PSAP: variants seen among roughly 807,000 people sequenced by gnomAD.
PSAP encodes prosaposin, also known as precursor of saposins.
PSAP carries 25 observed loss-of-function variants against 66.0 expected under a neutral mutation model. The ratio of observed to expected loss-of-function variants is 0.38; its 90% CI spans 0.28 to 0.53. The LOEUF is 0.53. PSAP is among the 20% of genes least tolerant of loss of function. The pLI, the probability that PSAP is intolerant of heterozygous loss-of-function variation, is 0.83. For synonymous variants in PSAP, 273 were observed against 258.9 expected (o/e 1.05, Z -0.52); for missense variants, 649 against 668.8 (o/e 0.97, Z 0.33).
Position 71,817,644 on chromosome 10 carries a change from A to ATCTC in PSAP, c.1540-169_1540-168insGAGA, listed in dbSNP as rs1212062489. Among the ~76,000 whole-genome samples the ATCTC allele has an allele frequency of 2.0e-5, 3 of 152,334 alleles. No individual in the cohort carries two copies. In the South Asian group the frequency reaches 6.2e-4, roughly 32 times the overall value. On this transcript the variant is annotated intron_variant, in intron 13 of 13. Coordinates refer to ENST00000394936, the MANE Select transcript of PSAP (RefSeq NM_002778.4). ...GACAGGATCTCACTTAAAAACAGGGAACACGTGGCCATCAGAGTTTTGGGA... is the reference window on the plus strand; with the variant it reads ...GACAGGATCTCACTTAAAAACAGGGATCTCACACGTGGCCATCAGAGTTTTGGGA...
chr10:71,828,024 A>G lies in PSAP; in HGVS notation c.710T>C (p.Met237Thr). The part of the protein sequence containing the change: ...KEECDRLGPG[M>T]ADICKNYISQ... ...GGACACAAGGCTCACTATGTCGGCC[A>G]TGCCAGGGCCCAGGCGGTCACACTC... Residue 237 changes from methionine (M) to threonine (T), a missense_variant, in exon 6 of 14, where the codon ATG becomes ACG. Transcript: ENST00000394936. The G allele has an allele frequency of 6.2e-7, 1 of 1,614,196 alleles. No homozygotes were observed. Among genetic ancestry groups the G allele is most frequent in the South Asian group, 1.1e-5 (1 of 91,090 alleles).
intron 1 of PSAP, among the ~76,000 whole-genome samples, chr10:71,838,187 CAA>C (rs1842663377): frequency 6.6e-6 from 1 of 152,218 alleles, no homozygotes; most frequent in Non-Finnish European, 1.5e-5. Context: ...CAGCAAGAGC[CAA>C]GAGAGGCTAA....
chr10:71,817,191 G>A lies in PSAP; in HGVS notation c.*250C>T. The A allele has an allele frequency of 1.7e-6, 1 of 584,958 alleles. No individual in the cohort carries two copies. Among genetic ancestry groups the A allele is most frequent in the Non-Finnish European group, 3.1e-6 (1 of 326,712 alleles). The allele number at this position is 584,958 out of a possible 1,614,324, so 36.2% of individuals were successfully genotyped here. A position where few individuals can be genotyped will look rare whatever the true frequency, so the allele number is the denominator to read the frequency against. On this transcript the variant is annotated 3_prime_UTR_variant, in exon 14 of 14. Transcript: ENST00000394936. ...TCCAGCAGGCGCCATGCAAGGGCAG[G>A]CTAAAAGACCTCCAGTGCATCAACA...
At chr10:71,846,425 TAAA>T (rs397943634) in intron 1 of PSAP, among the ~76,000 whole-genome samples, 3 of 115,878 alleles carry the variant, frequency 2.6e-5, no homozygotes, top group African/African-American at 3.0e-5. Flanking sequence ...TTAAAGCCCT[TAAA>T]AAAAAAAAAA....
intron 1 of PSAP, 102 bp downstream of exon 1, chr10:71,851,080 T>C (rs898730091): frequency 2.5e-5 from 34 of 1,381,104 alleles, no homozygotes; most frequent in Non-Finnish European, 3.4e-5. Flanking sequence ...CCTTGCCAAC[T>C]AGGGCAGGGG....
At position 71,820,353 on chromosome 10, in the gene PSAP, G is replaced by C; in HGVS notation, c.910-18C>G. On this transcript the variant is annotated intron_variant, in intron 8 of 13. Coordinates refer to ENST00000394936, the MANE Select transcript of PSAP (RefSeq NM_002778.4). The stretch of plus-strand genomic sequence containing the variant: ...TCGTGCTTCTGTGGAAAGAGTAGAA[G>C]GAGAGTACTTTCAATGCTGGGACTC... 6.3e-7 allele frequency: 1 copy of C among 1,599,974 alleles called. No homozygotes were observed. The highest frequency in any genetic ancestry group is 1.3e-5 in the African/African-American group (1 of 74,672).
At position 71,825,845 on chromosome 10, in the gene PSAP, T is replaced by A. The variant is rs772301464; in HGVS notation, c.769A>T (p.Met257Leu). Residue 257 changes from methionine (M) to leucine (L), a missense_variant, in exon 7 of 14, where the codon ATG becomes TTG. Physicochemically the swap from Met to Leu is conservative, Grantham distance 15 (BLOSUM62 2). Coordinates refer to ENST00000394936, the MANE Select transcript of PSAP (RefSeq NM_002778.4). ...GCCTCCGTGCCACCTACCATGTGCA[T>A]CATCATCTGGATAGCAATTTCAGAA... The part of the protein sequence containing the change: ...QYSEIAIQMM[M>L]HMQPKEICAL... The A allele has an allele frequency of 1.6e-5, 26 of 1,613,110 alleles. No homozygotes were observed. The highest frequency in any genetic ancestry group is 2.1e-5 in the Non-Finnish European group (25 of 1,179,170).
At chr10:71,835,844 A>C (rs947441035) in intron 1 of PSAP, among the ~76,000 whole-genome samples, 2 of 137,848 alleles carry the variant, frequency 1.5e-5, no homozygotes, top group African/African-American at 3.4e-5. Context: ...AAAAAACAAA[A>C]CACAATCACC....
chr10:71,820,244 G>T lies in PSAP; in HGVS notation c.1001C>A (p.Thr334Asn). 1 of 1,612,194 alleles carries T rather than the reference G, an allele frequency of 6.2e-7. No homozygotes were observed. The highest frequency in any genetic ancestry group is 1.7e-5 in the Admixed American group (1 of 60,030). The change falls in exon 9 of 14, where the codon ACT becomes AAT. Residue 334 changes from threonine to asparagine, a missense_variant. Coordinates refer to ENST00000394936, the MANE Select transcript of PSAP (RefSeq NM_002778.4). ...TCTGCCAGGAGGACAGCATACCTCA[G>T]TCTTGTTGTTGTCAATCAGCTTGGT... ...EVTKLIDNNK[T>N]EKEILDAFDK...
chr10:71,847,076 G>C (rs1206909869), intron 1 of PSAP, among the ~76,000 whole-genome samples: 1 of 152,076 alleles, frequency 6.6e-6, no homozygotes, highest in Non-Finnish European at 1.5e-5. Flanking sequence ...CAAGAAAATG[G>C]AAGACCAAGT....
In PSAP at chr10:71,817,206, G is replaced by C; in HGVS notation, c.*235C>G. ...GCAAGGGCAGGCTAAAAGACCTCCA[G>C]TGCATCAACATCCATCTAGCAGAGA... On this transcript the variant is annotated 3_prime_UTR_variant, in exon 14 of 14. Transcript: ENST00000394936. The C allele has an allele frequency of 1.6e-6, 1 of 612,218 alleles. No homozygotes were observed. Among genetic ancestry groups the C allele is most frequent in the Non-Finnish European group, 2.9e-6 (1 of 342,108 alleles). The allele number at this position is 612,218 out of a possible 1,614,324, so 37.9% of individuals were successfully genotyped here. A position where few individuals can be genotyped will look rare whatever the true frequency, so the allele number is the denominator to read the frequency against.
At chr10:71,827,918 A>C (rs1033373009) in intron 6 of PSAP, 96 bp downstream of exon 6, 2 of 1,536,440 alleles carry the variant, frequency 1.3e-6, no homozygotes, top group Non-Finnish European at 1.8e-6. Flanking sequence ...TTTCTGGGAA[A>C]AAAGAGAAGG....
At chr10:71,826,734 C>T (rs1033610193) in intron 6 of PSAP, among the ~76,000 whole-genome samples, 36 of 110,340 alleles carry the variant, frequency 3.3e-4, no homozygotes, top group African/African-American at 1.2e-3. Flanking sequence ...GAGCTAAACC[C>T]TGTCTCAAGA....
At chr10:71,817,953 T>C (rs977623946) in intron 13 of PSAP, among the ~76,000 whole-genome samples, 9 of 152,172 alleles carry the variant, frequency 5.9e-5, no homozygotes, top group Non-Finnish European at 1.2e-4. Flanking sequence ...AGGAAAGAGC[T>C]GGACATGGCC....
intron 6 of PSAP, among the ~76,000 whole-genome samples, chr10:71,826,889 A>G (rs1288418199): frequency 2.0e-5 from 3 of 152,220 alleles, no homozygotes; most frequent in South Asian, 4.1e-4. Flanking sequence ...GGTACTAAAA[A>G]TGGCATTTTG....
At position 71,819,042 on chromosome 10, in the gene PSAP, A is replaced by C. The variant is rs1485298837; in HGVS notation, c.1420T>G (p.Phe474Val). 1.2e-6 allele frequency: 2 copies of C among 1,614,088 alleles called. No individual in the cohort carries two copies. The highest frequency in any genetic ancestry group is 4.5e-5 in the East Asian group (2 of 44,888). ...EILVEVMDPS[F>V]VCLKIGACPS... ...CCAGTGAGGCTCACCAAGCACACGA[A>C]GGAAGGATCCATCACCTCCACCAGG... is the stretch of plus-strand genomic sequence containing the variant. The change falls in exon 12 of 14, where the codon TTC (phenylalanine) becomes GTC (valine). Residue 474 changes from phenylalanine to valine, a missense_variant. Physicochemically the swap from Phe to Val is conservative, Grantham distance 50 (BLOSUM62 -1). Coordinates refer to ENST00000394936, the MANE Select transcript of PSAP (RefSeq NM_002778.4).
rs747978849 is a variant in PSAP at position 71,825,730 on chromosome 10, CTA to C, written c.777+105_777+106del. 13 of 1,094,956 alleles carry C rather than the reference CTA, an allele frequency of 1.2e-5. No individual in the cohort carries two copies. The African/African-American group carries it at 2.0e-4, about 17-fold the overall frequency. 67.8% of individuals were successfully genotyped at this position (1,094,956 alleles called of 1,614,324 possible). On this transcript the variant is annotated intron_variant, in intron 7 of 13. Transcript: ENST00000394936. ...GGTCGATTTAGCCCAATTCAGCACT[CTA>C]AGGTAAAAAAGGGAAACTAAACCAT...
At chr10:71,832,876 G>A (rs1344787977) in intron 2 of PSAP, among the ~76,000 whole-genome samples, 2 of 151,972 alleles carry the variant, frequency 1.3e-5, no homozygotes, top group Non-Finnish European at 2.9e-5. Flanking sequence ...AATTAGCCGG[G>A]CATGGTGGCG....
rs749072600 is a variant in PSAP, at chr10:71,831,119, C to A, written c.375+7G>T. On this transcript the variant is annotated splice_region_variant and intron_variant, in intron 4 of 13. Transcript: ENST00000394936. ...CTTCAAGGAAAAGCCTATTCCCCATCACTTACCATTTCTCCTTTAATGATG... is the reference window on the plus strand; with the variant it reads ...CTTCAAGGAAAAGCCTATTCCCCATAACTTACCATTTCTCCTTTAATGATG... The A allele has an allele frequency of 2.5e-6, 4 of 1,613,992 alleles. No individual in the cohort carries two copies. In the East Asian group the frequency reaches 6.7e-5, roughly 27 times the overall value.
Sources: gnomAD v4.1 joint callset for allele counts (sites outside exome capture counted in the v4.1 genomes callset) on GRCh38, gnomAD v4.1.1 for gene constraint, MANE v1.5 for transcripts, NCBI Gene and HGNC (gene_info 2026-07-23, HGNC 2026-07-21) for gene names.